Variants in STARD3NL observed in about 807,000 individuals in gnomAD.
STARD3NL encodes STARD3 N-terminal like, also known as STARD3 N-terminal-like protein.
A neutral mutation model predicts 30.9 loss-of-function variants in STARD3NL; 17 were observed. The observed-to-expected ratio is 0.55, with a 90% CI of 0.38 to 0.82. The LOEUF is 0.82. Ranked by LOEUF, STARD3NL falls within the 40% of genes least tolerant of loss-of-function variation. The probability of loss-of-function intolerance (pLI) is 0.00; values close to 1 mark genes in which losing one functional copy is unlikely to be tolerated. For synonymous variants in STARD3NL, 112 were observed against 100.5 expected, an observed-to-expected ratio of 1.11 and a Z score of -0.69; for missense variants, 234 against 277.6, an observed-to-expected ratio of 0.84 and a Z score of 1.12.
In STARD3NL at chr7:38,214,445, T is replaced by G. The variant is rs777052611; in HGVS notation, c.303+11T>G. 20 of 1,547,512 alleles carry G rather than the reference T, an allele frequency of 1.3e-5. No individual in the cohort carries two copies. Among genetic ancestry groups the G allele is most frequent in the Non-Finnish European group, 1.2e-5 (14 of 1,124,550 alleles). ...TATTTTGATATATTTGTAAGTATTTTTTATGTTTCATTTCAGATGTGATAA... is the reference window on the plus strand; with the variant it reads ...TATTTTGATATATTTGTAAGTATTTGTTATGTTTCATTTCAGATGTGATAA... On this transcript the variant is annotated intron_variant, in intron 3 of 8. Coordinates refer to ENST00000009041, the MANE Select transcript of STARD3NL (RefSeq NM_032016.4).
chr7:38,189,164 GCAT>G (rs1282232981), intron 1 of STARD3NL, among the ~76,000 whole-genome samples: 2 of 151,972 alleles, frequency 1.3e-5, no homozygotes, highest in African/African-American at 2.4e-5. Context: ...AGAACACAAA[GCAT>G]TCAAGAGTGA....
chr7:38,181,174 A>T (rs1446297387), intron 1 of STARD3NL, among the ~76,000 whole-genome samples: 1 of 152,194 alleles, frequency 6.6e-6, no homozygotes, highest in Non-Finnish European at 1.5e-5. Flanking sequence ...TTTAAAAATG[A>T]CTTTTAAATT....
chr7:38,205,583 A>G (rs1785415704), intron 1 of STARD3NL, among the ~76,000 whole-genome samples: 1 of 152,112 alleles, frequency 6.6e-6, no homozygotes, highest in South Asian at 2.1e-4. Context: ...AATTGATACT[A>G]TTATAGATAC....
chr7:38,200,044 A>G (rs1301291406), intron 1 of STARD3NL, among the ~76,000 whole-genome samples: 2 of 152,140 alleles, frequency 1.3e-5, no homozygotes, highest in Non-Finnish European at 2.9e-5. Context: ...CAGTTTTTGT[A>G]TCTTCCCTCA....
At chr7:38,187,977 C>G (rs1784531754) in intron 1 of STARD3NL, among the ~76,000 whole-genome samples, 1 of 152,188 alleles carries the variant, frequency 6.6e-6, no homozygotes, top group Non-Finnish European at 1.5e-5. Flanking sequence ...TGGAACCAAT[C>G]TATTCTCATC....
intron 6 of STARD3NL, among the ~76,000 whole-genome samples, chr7:38,218,412 T>C (rs1030924752): frequency 7.2e-5 from 11 of 152,342 alleles, no homozygotes; most frequent in South Asian, 4.1e-4. Flanking sequence ...CCTTCTATCC[T>C]GTGCCGTCTA....
At position 38,207,606 on chromosome 7, in the gene STARD3NL, G is replaced by T. The variant is rs1473921192; in HGVS notation, c.102G>T (p.Met34Ile). 4 of 1,613,928 alleles carry T rather than the reference G, an allele frequency of 2.5e-6. No homozygotes were observed. In the East Asian group the frequency reaches 8.9e-5, roughly 36 times the overall value. The change falls in exon 2 of 9, where the codon ATG (methionine) becomes ATT (isoleucine). Residue 34 changes from methionine to isoleucine, a missense_variant. Transcript: ENST00000009041. ...ATTCCATCAACCCCACACAACTCATGGCCAGGATTGAGTCCTATGAAGGAA... is the reference window on the plus strand; with the variant it reads ...ATTCCATCAACCCCACACAACTCATTGCCAGGATTGAGTCCTATGAAGGAA... ...NIHSINPTQL[M>I]ARIESYEGRE... is the part of the protein sequence containing the mutation.
At chr7:38,185,878 C>T (rs182592711) in intron 1 of STARD3NL, among the ~76,000 whole-genome samples, 17 of 152,260 alleles carry the variant, frequency 1.1e-4, no homozygotes, top group Middle Eastern at 3.4e-3. Flanking sequence ...CCTATGATTC[C>T]TGGGAGAGCA....
intron 7 of STARD3NL, among the ~76,000 whole-genome samples, chr7:38,221,788 C>T (rs1232926890): frequency 6.6e-6 from 1 of 152,226 alleles, no homozygotes; most frequent in Non-Finnish European, 1.5e-5. Flanking sequence ...TCTAGCTTCT[C>T]ACCTTGTGAC....
intron 1 of STARD3NL, among the ~76,000 whole-genome samples, chr7:38,197,039 G>A (rs1169244410): frequency 6.6e-6 from 1 of 152,106 alleles, no homozygotes; most frequent in African/African-American, 2.4e-5. Flanking sequence ...TCAGACTCAG[G>A]AGGTTGGAGT....
chr7:38,189,704 TC>T lies in STARD3NL; in HGVS notation c.-59+11285del, dbSNP rs1448431008. 2.0e-5 allele frequency among the ~76,000 whole-genome samples: 3 copies of T among 152,114 alleles called. No homozygotes were observed. In the East Asian group the frequency reaches 5.8e-4, roughly 29 times the overall value. ...GGCTCAAAATGCAAATAGAATGACT[TC>T]TATCTATTAGTCATGCATGCTTTAG... On this transcript the variant is annotated intron_variant, in intron 1 of 8. Coordinates refer to ENST00000009041, the MANE Select transcript of STARD3NL (RefSeq NM_032016.4).
At chr7:38,222,550 A>C (rs913884860) in intron 7 of STARD3NL, among the ~76,000 whole-genome samples, 4 of 152,160 alleles carry the variant, frequency 2.6e-5, no homozygotes, top group Non-Finnish European at 5.9e-5. Flanking sequence ...TCTCAGTACT[A>C]ATGTATTTTC....
intron 7 of STARD3NL, among the ~76,000 whole-genome samples, chr7:38,226,516 T>C (rs1432001104): frequency 6.6e-6 from 1 of 152,172 alleles, no homozygotes; most frequent in African/African-American, 2.4e-5. Context: ...GAAATGTACA[T>C]GGGTTGGATA....
At chr7:38,218,304 G>T (rs1360303108) in intron 6 of STARD3NL, among the ~76,000 whole-genome samples, 1 of 152,134 alleles carries the variant, frequency 6.6e-6, no homozygotes, top group African/African-American at 2.4e-5. Flanking sequence ...CTTGCAAGTG[G>T]TTTTATTTTG....
chr7:38,207,076 G>C (rs1785528161), intron 1 of STARD3NL, among the ~76,000 whole-genome samples: 1 of 152,180 alleles, frequency 6.6e-6, no homozygotes, highest in Non-Finnish European at 1.5e-5. Context: ...CCCATGCACA[G>C]TTATACTTAC....
intron 2 of STARD3NL, among the ~76,000 whole-genome samples, chr7:38,210,144 T>C (rs778693684): frequency 6.6e-6 from 1 of 152,178 alleles, no homozygotes; most frequent in Non-Finnish European, 1.5e-5. Context: ...ATCATTCAAA[T>C]CCATTTTTTT....
chr7:38,197,526 G>C (rs1489627729), intron 1 of STARD3NL, among the ~76,000 whole-genome samples: 1 of 152,076 alleles, frequency 6.6e-6, no homozygotes, highest in African/African-American at 2.4e-5. Context: ...TTTAAGAATA[G>C]CTTATCTACA....
At chr7:38,219,509 A>G (rs2116378536) in intron 6 of STARD3NL, 56 bp from the exon 7 acceptor site, 1 of 1,347,356 alleles carries the variant, frequency 7.4e-7, no homozygotes, top group East Asian at 2.3e-5. Flanking sequence ...TAATCTTGCC[A>G]AAAAGCTACC....
chr7:38,202,444 T>C (rs557264225), intron 1 of STARD3NL, among the ~76,000 whole-genome samples: 39 of 152,262 alleles, frequency 2.6e-4, no homozygotes, highest in South Asian at 4.1e-4. Flanking sequence ...GTGCCTCTCA[T>C]TGTAAACATA....
Sources: gnomAD v4.1 joint callset for allele counts (sites outside exome capture counted in the v4.1 genomes callset) on GRCh38, gnomAD v4.1.1 for gene constraint, MANE v1.5 for transcripts, NCBI Gene and HGNC (gene_info 2026-07-23, HGNC 2026-07-21) for gene names.